FER1L6: variants seen among roughly 807,000 people sequenced by gnomAD.
The protein encoded by FER1L6 is fer-1 like family member 6.
FER1L6 carries 177 observed loss-of-function variants against 219.2 expected under a neutral mutation model. The observed-to-expected ratio is 0.81, with a 90% CI of 0.71 to 0.91. FER1L6 has a LOEUF of 0.91. Ranked by LOEUF, FER1L6 falls within the 40% of genes least tolerant of loss-of-function variation. The pLI, the probability that FER1L6 is intolerant of heterozygous loss-of-function variation, is 0.00. For synonymous variants in FER1L6, 768 were observed against 824.3 expected (o/e 0.93, Z 1.17); for missense variants, 2,153 against 2,259.9 (o/e 0.95, Z 0.96).
intron 38 of FER1L6, among the ~76,000 whole-genome samples, chr8:124,101,553 G>T (rs1451303327): frequency 1.3e-5 from 2 of 152,178 alleles, no homozygotes; most frequent in African/African-American, 2.4e-5. Flanking sequence ...AAAGACTTAA[G>T]TTGATCTATC....
At chr8:123,985,290 A>T (rs988032502) in intron 11 of FER1L6, 1 of 152,166 alleles carries the variant, frequency 6.6e-6, no homozygotes, top group Non-Finnish European at 1.5e-5. Context: ...ATATGAAGGC[A>T]CCTGTGATTC....
chr8:124,099,404 G>A (rs1822456758), intron 37 of FER1L6, among the ~76,000 whole-genome samples: 1 of 152,174 alleles, frequency 6.6e-6, no homozygotes, highest in East Asian at 1.9e-4. Flanking sequence ...ATTGGGTTGA[G>A]AACCCCAAAT....
chr8:123,875,479 C>T (rs962843010), intron 1 of FER1L6, among the ~76,000 whole-genome samples: 40 of 152,124 alleles, frequency 2.6e-4, no homozygotes, highest in African/African-American at 9.2e-4. Context: ...TGTCTGCCTT[C>T]TTCTTCTTCT....
chr8:124,003,393 A>C, intron 13 of FER1L6, 46 bp downstream of exon 13: 2 of 1,408,476 alleles, frequency 1.4e-6, no homozygotes, highest in Non-Finnish European at 9.7e-7. Context: ...TTGCTGGTGG[A>C]ATTTTGTCCA....
intron 10 of FER1L6, among the ~76,000 whole-genome samples, chr8:123,978,818 A>T (rs1262051853): frequency 1.3e-5 from 2 of 152,220 alleles, no homozygotes; most frequent in African/African-American, 4.8e-5. Context: ...GAGAGGCCTC[A>T]GTAAATAAAT....
rs567106606 is a variant in FER1L6 at position 123,874,155 on chromosome 8, G to A, written c.-8+21970G>A. ...AGGCTAGAGAAAAACATGCCACCAT[G>A]TTGACTGGTTTTATTTCCATGACTA... On this transcript the variant is annotated intron_variant, in intron 1 of 40. Coordinates refer to ENST00000522917, the MANE Select transcript of FER1L6 (RefSeq NM_001039112.2). Among the ~76,000 whole-genome samples the A allele has an allele frequency of 2.6e-5, 4 of 152,320 alleles. No individual in the cohort carries two copies. In the East Asian group the frequency reaches 5.8e-4, roughly 22 times the overall value.
intron 20 of FER1L6, among the ~76,000 whole-genome samples, chr8:124,043,377 G>T (rs554331486): frequency 6.6e-6 from 1 of 152,152 alleles, no homozygotes; most frequent in African/African-American, 2.4e-5. Context: ...TGATTCTAAA[G>T]CTATACTCTG....
chr8:123,913,693 C>T (rs886641741), intron 1 of FER1L6, among the ~76,000 whole-genome samples: 3 of 152,004 alleles, frequency 2.0e-5, no homozygotes, highest in African/African-American at 7.3e-5. Context: ...TCTGGGAACC[C>T]TTGTGTTGGA....
At chr8:123,875,163 C>A (rs1044744625) in intron 1 of FER1L6, among the ~76,000 whole-genome samples, 1 of 152,068 alleles carries the variant, frequency 6.6e-6, no homozygotes. Flanking sequence ...CTACTGCACT[C>A]CAGCCTGGTG....
At chr8:124,085,578 G>C (rs1730691058) in intron 33 of FER1L6, among the ~76,000 whole-genome samples, 1 of 151,954 alleles carries the variant, frequency 6.6e-6, no homozygotes, top group African/African-American at 2.4e-5. Context: ...ATTGTGGCCA[G>C]AGAAGATACT....
intron 12 of FER1L6, among the ~76,000 whole-genome samples, chr8:124,000,496 A>C (rs1469393133): frequency 6.6e-6 from 1 of 152,202 alleles, no homozygotes; most frequent in African/African-American, 2.4e-5. Flanking sequence ...CACAAAAGTG[A>C]TTAAGACTGT....
rs575173855 is a variant in FER1L6 at position 124,064,068 on chromosome 8, GACC to G, written c.3329-276_3329-274del. 4.6e-5 allele frequency among the ~76,000 whole-genome samples: 7 copies of G among 152,144 alleles called. No homozygotes were observed. The South Asian group carries it at 1.5e-3, about 32-fold the overall frequency. ...AAACCTTGATTTTCATAATCCCAAT[GACC>G]ACAATTGATTAAAATTACTTTGAGG... On this transcript the variant is annotated intron_variant, in intron 25 of 40. Transcript: ENST00000522917.
At chr8:124,020,335 C>A (rs553433196) in intron 16 of FER1L6, among the ~76,000 whole-genome samples, 2 of 152,152 alleles carry the variant, frequency 1.3e-5, no homozygotes, top group Non-Finnish European at 2.9e-5. Flanking sequence ...GACTAATACA[C>A]CGGCTTTAGG....
At chr8:124,033,060 G>T (rs183450697) in intron 18 of FER1L6, among the ~76,000 whole-genome samples, 1 of 152,332 alleles carries the variant, frequency 6.6e-6, no homozygotes, top group Middle Eastern at 3.4e-3. Flanking sequence ...GCAGGCAATA[G>T]AACATTCTGT....
At chr8:123,918,234 G>C (rs1359285241) in intron 1 of FER1L6, among the ~76,000 whole-genome samples, 1 of 151,988 alleles carries the variant, frequency 6.6e-6, no homozygotes, top group Non-Finnish European at 1.5e-5. Context: ...GCTTGAGCAT[G>C]GGAGGTGGAG....
chr8:124,049,846 C>A, intron 22 of FER1L6, 90 bp downstream of exon 22: 2 of 1,324,798 alleles, frequency 1.5e-6, no homozygotes, highest in Non-Finnish European at 2.2e-6. Context: ...TGAAGCTGTG[C>A]CTGATCCCTC....
At chr8:123,914,255 T>C (rs1813123483) in intron 1 of FER1L6, among the ~76,000 whole-genome samples, 1 of 152,204 alleles carries the variant, frequency 6.6e-6, no homozygotes. Flanking sequence ...ATGACCTTAT[T>C]GGTGTGTTTT....
At position 123,853,915 on chromosome 8, in the gene FER1L6, G is replaced by A. The variant is rs1484544317; in HGVS notation, c.-8+1730G>A. Among the ~76,000 whole-genome samples the A allele has an allele frequency of 6.6e-6, 1 of 152,194 alleles. No homozygotes were observed. Among genetic ancestry groups the A allele is most frequent in the South Asian group, 2.1e-4 (1 of 4,824 alleles). On this transcript the variant is annotated intron_variant, in intron 1 of 40. Transcript: ENST00000522917. This position sits in a 1 kb window ranked among gnomAD's most constrained non-coding sequence, Gnocchi z 6.6. ...ACAGAGCCTGGACAGGGCAGCAGAA[G>A]GTGCACCTCTGAGGAGCAAAGGATG...
chr8:124,026,813 G>C (rs970544455), intron 18 of FER1L6, among the ~76,000 whole-genome samples: 3 of 151,854 alleles, frequency 2.0e-5, no homozygotes, highest in African/African-American at 7.3e-5. Flanking sequence ...AGGTGAATTT[G>C]GGCTGGAATT....
Sources: gnomAD v4.1 joint callset for allele counts (sites outside exome capture counted in the v4.1 genomes callset) on GRCh38, gnomAD v4.1.1 for gene constraint, Gnocchi (gnomAD v3.1) non-coding constraint, MANE v1.5 for transcripts, NCBI Gene and HGNC (gene_info 2026-07-23, HGNC 2026-07-21) for gene names.